Variants in ARHGEF17 observed in about 807,000 individuals in gnomAD.
ARHGEF17 encodes the protein Rho guanine nucleotide exchange factor 17, also known as 164 kDa Rho-specific guanine-nucleotide exchange factor.
ARHGEF17 carries 80 observed loss-of-function variants against 174.0 expected under a neutral mutation model. That is an observed-to-expected ratio of 0.46 (90% CI 0.38 to 0.55). The LOEUF (loss-of-function observed/expected upper bound fraction) is 0.55. Among genes scored for constraint, ARHGEF17 ranks in the 20% least tolerant of loss-of-function variants. The pLI is 0.00. For synonymous variants in ARHGEF17, 1,311 were observed against 1,189.1 expected (o/e 1.10, Z -2.11); for missense variants, 2,886 against 2,839.7 (o/e 1.02, Z -0.37).
intron 1 of ARHGEF17, among the ~76,000 whole-genome samples, chr11:73,312,612 G>C (rs1045018985): frequency 2.6e-5 from 4 of 152,090 alleles, no homozygotes; most frequent in Admixed American, 6.5e-5. Flanking sequence ...TCTAGATGGG[G>C]GCTTCTAGGG....
intron 1 of ARHGEF17, among the ~76,000 whole-genome samples, chr11:73,313,627 C>G (rs140601178): frequency 1.3e-5 from 2 of 152,338 alleles, no homozygotes; most frequent in Non-Finnish European, 2.9e-5. Context: ...CTGCCACGAA[C>G]AGAGGCCTTC....
At chr11:73,361,215 C>G (rs774815932) in intron 12 of ARHGEF17, 54 bp downstream of exon 12, 6 of 1,557,722 alleles carry the variant, frequency 3.9e-6, no homozygotes, top group Non-Finnish European at 5.3e-6. Flanking sequence ...AGCAGGTGTT[C>G]ATGAATTTTT....
intron 20 of ARHGEF17, among the ~76,000 whole-genome samples, chr11:73,366,855 CA>C (rs1434356917): frequency 6.6e-6 from 1 of 152,178 alleles, no homozygotes; most frequent in Non-Finnish European, 1.5e-5. Context: ...GCCTGGCCAA[CA>C]TGGTGAAAAC....
At chr11:73,328,765 G>C (rs1417831834) in intron 1 of ARHGEF17, among the ~76,000 whole-genome samples, 1 of 152,214 alleles carries the variant, frequency 6.6e-6, no homozygotes, top group East Asian at 1.9e-4. Flanking sequence ...CTCGTCCTCT[G>C]TATGTAGGCT....
chr11:73,356,056 T>A lies in ARHGEF17; in HGVS notation c.3663+103T>A. On this transcript the variant is annotated intron_variant, in intron 5 of 20. Transcript: ENST00000263674. The stretch of plus-strand genomic sequence containing the variant: ...TCGTTGAGCCTGACATCAGGGTCCC[T>A]AGGGGACAGGTAGGAAAGATAGTCC... 3 of 1,568,618 alleles carry A rather than the reference T, an allele frequency of 1.9e-6. No individual in the cohort carries two copies. The Admixed American group carries it at 5.1e-5, about 27-fold the overall frequency.
intron 1 of ARHGEF17, among the ~76,000 whole-genome samples, chr11:73,329,500 A>T (rs1374903784): frequency 3.3e-5 from 5 of 149,596 alleles, no homozygotes; most frequent in African/African-American, 9.9e-5. Flanking sequence ...CCCAGGTTCA[A>T]GCAATTCTTG....
intron 1 of ARHGEF17, among the ~76,000 whole-genome samples, chr11:73,314,201 C>G (rs1864890823): frequency 6.6e-6 from 1 of 152,250 alleles, no homozygotes; most frequent in Admixed American, 6.5e-5. Context: ...TTGTTTCAAG[C>G]CTGAGGCTCC....
intron 1 of ARHGEF17, among the ~76,000 whole-genome samples, chr11:73,315,158 G>A (rs187195399): frequency 3.3e-5 from 5 of 152,290 alleles, no homozygotes; most frequent in African/African-American, 9.6e-5. Context: ...GGGGTCCCAA[G>A]GAGATTGGCC....
intron 1 of ARHGEF17, among the ~76,000 whole-genome samples, chr11:73,318,949 C>T (rs927449437): frequency 1.3e-5 from 2 of 152,228 alleles, no homozygotes; most frequent in Admixed American, 6.5e-5. Context: ...GAGAGATCAA[C>T]GCCTCTGCCT....
intron 2 of ARHGEF17, among the ~76,000 whole-genome samples, chr11:73,347,464 C>T (rs945418642): frequency 2.0e-5 from 3 of 152,156 alleles, no homozygotes; most frequent in African/African-American, 7.2e-5. Flanking sequence ...TCGAGGGGCA[C>T]CTGCTAAGCG....
chr11:73,365,603 CT>C lies in ARHGEF17; in HGVS notation c.5725+42del. ...ACTACCACAGCACCCTCCTTGGAGC[CT>C]TTCTGCCCGATCGTAGAGGCGGCTG... On this transcript the variant is annotated intron_variant, in intron 19 of 20. Coordinates refer to ENST00000263674, the MANE Select transcript of ARHGEF17 (RefSeq NM_014786.4). This position sits in a 1 kb window ranked among gnomAD's most constrained non-coding sequence, Gnocchi z 4.9. 6.2e-7 allele frequency: 1 copy of C among 1,609,662 alleles called. No individual in the cohort carries two copies. The highest frequency in any genetic ancestry group is 8.5e-7 in the Non-Finnish European group (1 of 1,176,264).
intron 1 of ARHGEF17, among the ~76,000 whole-genome samples, chr11:73,321,573 A>G (rs565773901): frequency 6.6e-6 from 1 of 152,278 alleles, no homozygotes; most frequent in African/African-American, 2.4e-5. Flanking sequence ...AGGCGTTATT[A>G]TGAGGGCCAA....
rs755554849 is a variant in ARHGEF17, at chr11:73,311,680, G to A, written c.3042G>A (p.Leu1014=). ...EDVTKQYMLN[L]HSGEVPAPVP... ...TCACCAAGCAGTACATGCTGAACCT[G>A]CACTCCGGTGAGGTCCCTGCCCCAG... The change falls in exon 1 of 21, where the codon CTG becomes CTA. Residue 1014 remains leucine, a synonymous_variant. Coordinates refer to ENST00000263674, the MANE Select transcript of ARHGEF17 (RefSeq NM_014786.4). 2 of 1,613,426 alleles carry A rather than the reference G, an allele frequency of 1.2e-6. No individual in the cohort carries two copies. The highest frequency in any genetic ancestry group is 1.7e-6 in the Non-Finnish European group (2 of 1,180,038).
intron 4 of ARHGEF17, 55 bp downstream of exon 4, chr11:73,355,704 G>A (rs1046184225): frequency 7.2e-5 from 114 of 1,579,320 alleles, no homozygotes; most frequent in Non-Finnish European, 9.7e-5. Context: ...GGCCAGCTTT[G>A]AGGGCCCCAG....
At chr11:73,322,020 G>A (rs1055653823) in intron 1 of ARHGEF17, among the ~76,000 whole-genome samples, 10 of 152,206 alleles carry the variant, frequency 6.6e-5, no homozygotes, top group African/African-American at 2.4e-4. Context: ...CCCCACAGCC[G>A]GGCCTCCAGG....
At chr11:73,332,716 G>A (rs1865228430) in intron 1 of ARHGEF17, among the ~76,000 whole-genome samples, 2 of 151,978 alleles carry the variant, frequency 1.3e-5, no homozygotes, top group South Asian at 2.1e-4. Context: ...TTCCTGGGGG[G>A]CGGGAATCCT....
At chr11:73,351,927 C>T (rs1282770452) in intron 2 of ARHGEF17, among the ~76,000 whole-genome samples, 5 of 152,176 alleles carry the variant, frequency 3.3e-5, no homozygotes, top group African/African-American at 1.2e-4. Context: ...ATATGTCATC[C>T]ATTCTGAGAC....
chr11:73,311,981 A>G (rs914474699), intron 1 of ARHGEF17, 151 bp downstream of exon 1: 13 of 891,588 alleles, frequency 1.5e-5, no homozygotes, highest in Non-Finnish European at 1.8e-5. Context: ...CAGTTTTAAG[A>G]GTTGTTAATG....
intron 9 of ARHGEF17, among the ~76,000 whole-genome samples, chr11:73,357,973 C>G (rs978832036): frequency 2.6e-5 from 4 of 152,250 alleles, no homozygotes; most frequent in African/African-American, 9.6e-5. Flanking sequence ...GTTTGCTCGG[C>G]CCCTTGGTGA....
Sources: gnomAD v4.1 joint callset for allele counts (sites outside exome capture counted in the v4.1 genomes callset) on GRCh38, gnomAD v4.1.1 for gene constraint, Gnocchi (gnomAD v3.1) non-coding constraint, MANE v1.5 for transcripts, NCBI Gene and HGNC (gene_info 2026-07-23, HGNC 2026-07-21) for gene names.